Variants in PLXNC1 observed in about 807,000 individuals in gnomAD.
PLXNC1 encodes plexin C1, also known as plexin-C1.
In PLXNC1, 75 loss-of-function variants were observed where a neutral mutation model predicts 178.2. The ratio of observed to expected loss-of-function variants is 0.42; its 90% CI spans 0.35 to 0.51. The LOEUF is 0.51. Ranked by LOEUF, PLXNC1 falls within the 20% of genes least tolerant of loss-of-function variation. PLXNC1 has a pLI of 0.02. For synonymous variants in PLXNC1, 790 were observed against 779.9 expected (o/e 1.01, Z -0.22); for missense variants, 1,503 against 1,984.4 (o/e 0.76, Z 4.61).
intron 4 of PLXNC1, among the ~76,000 whole-genome samples, chr12:94,200,015 T>C (rs2135988339): frequency 6.6e-6 from 1 of 152,286 alleles, no homozygotes; most frequent in African/African-American, 2.4e-5. Flanking sequence ...GTATGGTCTC[T>C]ATCTCTTGAC....
intron 4 of PLXNC1, among the ~76,000 whole-genome samples, chr12:94,202,182 A>C (rs1412135843): frequency 6.6e-6 from 1 of 152,194 alleles, no homozygotes; most frequent in Non-Finnish European, 1.5e-5. Context: ...GTTTCTGCAG[A>C]AGACGTACCT....
At chr12:94,296,843 A>C (rs1378826828) in intron 24 of PLXNC1, among the ~76,000 whole-genome samples, 1 of 152,186 alleles carries the variant, frequency 6.6e-6, no homozygotes, top group African/African-American at 2.4e-5. Context: ...TCAGGGTGGG[A>C]ACTGGGTCTT....
chr12:94,191,166 C>T (rs1263135154), intron 4 of PLXNC1, among the ~76,000 whole-genome samples: 3 of 152,270 alleles, frequency 2.0e-5, no homozygotes, highest in Non-Finnish European at 4.4e-5. Context: ...AGTCATGGAG[C>T]GATGGCCCTT....
chr12:94,257,502 G>C (rs1274307009), intron 17 of PLXNC1, among the ~76,000 whole-genome samples: 1 of 152,278 alleles, frequency 6.6e-6, no homozygotes, highest in Non-Finnish European at 1.5e-5. Flanking sequence ...GTCCAGGCGC[G>C]GTGGCTCAAG....
intron 4 of PLXNC1, among the ~76,000 whole-genome samples, chr12:94,203,150 C>T (rs931268778): frequency 6.6e-6 from 1 of 152,012 alleles, no homozygotes; most frequent in East Asian, 1.9e-4. Flanking sequence ...CCCAAACTAG[C>T]CAAAGTAGGC....
intron 4 of PLXNC1, among the ~76,000 whole-genome samples, chr12:94,199,572 C>T (rs1963044694): frequency 6.6e-6 from 1 of 152,140 alleles, no homozygotes; most frequent in Non-Finnish European, 1.5e-5. Flanking sequence ...GGGGGGCTTT[C>T]CAACACCAGA....
chr12:94,302,964 G>A (rs1968617799), intron 28 of PLXNC1, among the ~76,000 whole-genome samples: 1 of 152,132 alleles, frequency 6.6e-6, no homozygotes, highest in African/African-American at 2.4e-5. Context: ...TAATATCTCA[G>A]TCTCTAGGCA....
At chr12:94,282,088 G>T in intron 22 of PLXNC1, 1 of 496,300 alleles carries the variant, frequency 2.0e-6, no homozygotes. Context: ...GGCTTATCAG[G>T]GAAGAAGTGG....
chr12:94,230,273 C>A (rs1396134500), intron 9 of PLXNC1, among the ~76,000 whole-genome samples: 4 of 152,182 alleles, frequency 2.6e-5, no homozygotes, highest in Admixed American at 2.0e-4. Context: ...TTTTATGTAT[C>A]AATAATTCAT....
chr12:94,257,917 T>TAATA (rs1555204319), intron 17 of PLXNC1, among the ~76,000 whole-genome samples: 45 of 132,654 alleles, frequency 3.4e-4, no homozygotes, highest in African/African-American at 1.3e-3. Context: ...TCAAAAAAAA[T>TAATA]AATAAATAAA....
chr12:94,169,447 T>C (rs534224351), intron 2 of PLXNC1, among the ~76,000 whole-genome samples, 154 bp downstream of exon 2: 15 of 152,134 alleles, frequency 9.9e-5, no homozygotes, highest in African/African-American at 3.6e-4. Flanking sequence ...TGGAAGAAAA[T>C]CTGGAATTCT....
At chr12:94,204,794 T>G (rs745743902) in intron 4 of PLXNC1, among the ~76,000 whole-genome samples, 1 of 152,250 alleles carries the variant, frequency 6.6e-6, no homozygotes, top group East Asian at 1.9e-4. Flanking sequence ...GTTGCTCTTA[T>G]AGCAAAGCCC....
intron 20 of PLXNC1, among the ~76,000 whole-genome samples, chr12:94,263,219 C>T (rs188394639): frequency 1.3e-5 from 2 of 151,666 alleles, no homozygotes; most frequent in Non-Finnish European, 2.9e-5. Context: ...CCCCCGGCCC[C>T]GGGAAGGTAA....
In PLXNC1 at chr12:94,282,352, T is replaced by G; in HGVS notation, c.3830T>G (p.Val1277Gly). Residue 1277 changes from valine to glycine, a missense_variant, in exon 23 of 31, where the codon GTG becomes GGG. Physicochemically the swap from Val to Gly is moderately radical, Grantham distance 109. Transcript: ENST00000258526. ...CTTCTGGACATCGACAGTTCCTCCG[T>G]GATTCTTGAAGATGGAATCACCAAG... ...KELLDIDSSS[V>G]ILEDGITKLN... The G allele has an allele frequency of 6.2e-7, 1 of 1,614,100 alleles. No homozygotes were observed. The highest frequency in any genetic ancestry group is 1.1e-5 in the South Asian group (1 of 91,088).
intron 1 of PLXNC1, among the ~76,000 whole-genome samples, chr12:94,165,050 A>G (rs1961557056): frequency 6.6e-6 from 1 of 152,206 alleles, no homozygotes; most frequent in Non-Finnish European, 1.5e-5. Context: ...ACGAACAAGC[A>G]GAGGCTGGGA....
At chr12:94,183,805 TC>T (rs137892910) in intron 3 of PLXNC1, among the ~76,000 whole-genome samples, 2,244 of 152,262 alleles carry the variant, frequency 0.015, 28 homozygotes, top group South Asian at 0.025. Flanking sequence ...AAGCCTGAAG[TC>T]CTGGGAAGAG....
chr12:94,154,817 G>GT (rs1288519145), intron 1 of PLXNC1, among the ~76,000 whole-genome samples: 2 of 152,200 alleles, frequency 1.3e-5, no homozygotes, highest in African/African-American at 4.8e-5. Context: ...CAGTGTTGGT[G>GT]TTCTGATCTA....
rs117266900 is a variant in PLXNC1, at chr12:94,162,704, T to C, written c.1063-6449T>C. On this transcript the variant is annotated intron_variant, in intron 1 of 30. Transcript: ENST00000258526. ...AAATTCGACTGAGATTTTTAATGTA[T>C]TGGATGTGGGGAGTGACAGAAAGAG... Among the ~76,000 whole-genome samples, 213 of 152,038 alleles carry C rather than the reference T, an allele frequency of 1.4e-3. 4 individuals carry two copies. In the East Asian group the frequency reaches 0.033, roughly 23 times the overall value.
At position 94,260,931 on chromosome 12, in the gene PLXNC1, A is replaced by G; in HGVS notation, c.3450+91A>G. On this transcript the variant is annotated intron_variant, in intron 20 of 30. Transcript: ENST00000258526. The surrounding 1 kb of genome is among the most constrained non-coding windows in gnomAD (Gnocchi z 4.4). ...GATGCCTTTGCCAGGATAAATCCTG[A>G]ATGCTCGATGGTGTCAGCACTTAAC... 9.3e-7 allele frequency: 1 copy of G among 1,070,264 alleles called. No homozygotes were observed. The highest frequency in any genetic ancestry group is 1.4e-6 in the Non-Finnish European group (1 of 708,438). 66.3% of individuals were successfully genotyped at this position (1,070,264 alleles called of 1,614,324 possible). A position where few individuals can be genotyped will look rare whatever the true frequency, so the allele number is the denominator to read the frequency against.
Sources: allele counts gnomAD v4.1 joint callset (sites outside exome capture counted in the v4.1 genomes callset), GRCh38; gene constraint gnomAD v4.1.1; non-coding constraint Gnocchi (gnomAD v3.1); transcripts MANE v1.5; gene names NCBI Gene and HGNC (gene_info 2026-07-23, HGNC 2026-07-21).